GALNT13: variants seen among roughly 807,000 people sequenced by gnomAD.
GALNT13 encodes the protein UDP-GalNAc:polypeptide N-acetylgalactosaminyltransferase 13.
In GALNT13, 28 loss-of-function variants were observed where a neutral mutation model predicts 64.2. The observed-to-expected ratio is 0.44, with a 90% CI of 0.32 to 0.60. The LOEUF is 0.60. Among genes scored for constraint, GALNT13 ranks in the 20% least tolerant of loss-of-function variants. The probability of loss-of-function intolerance (pLI) is 0.05; values close to 1 mark genes in which losing one functional copy is unlikely to be tolerated. For synonymous variants in GALNT13, 214 were observed against 224.6 expected (o/e 0.95, Z 0.42); for missense variants, 577 against 669.8 (o/e 0.86, Z 1.53).
At chr2:153,885,862 A>T (rs994918948) in intron 1 of GALNT13, among the ~76,000 whole-genome samples, 4 of 152,072 alleles carry the variant, frequency 2.6e-5, no homozygotes, top group Admixed American at 6.6e-5. Flanking sequence ...ACGTGAGCAT[A>T]TGGGTAGTTC....
the GALNT13 span, among the ~76,000 whole-genome samples, chr2:153,074,352 A>C: frequency 6.6e-6 from 1 of 152,180 alleles, no homozygotes; most frequent in Non-Finnish European, 1.5e-5. Flanking sequence ...ACATTTTTCA[A>C]AGGTGACTAA....
the GALNT13 span, among the ~76,000 whole-genome samples, chr2:153,319,309 C>G: frequency 1.3e-5 from 2 of 152,208 alleles, no homozygotes; most frequent in Non-Finnish European, 2.9e-5. Flanking sequence ...AGGTCTCACT[C>G]TGTCATCTAG....
chr2:154,121,440 T>C (rs1257865457), intron 3 of GALNT13, among the ~76,000 whole-genome samples: 1 of 152,190 alleles, frequency 6.6e-6, no homozygotes, highest in East Asian at 1.9e-4. Context: ...CAGTGTTGTC[T>C]TCTAATCCAT....
the GALNT13 span, among the ~76,000 whole-genome samples, chr2:153,383,867 G>A: frequency 1.3e-5 from 2 of 152,002 alleles, no homozygotes; most frequent in South Asian, 2.1e-4. Flanking sequence ...ACACAAGGAT[G>A]TTAAGACTCA....
At chr2:154,004,214 T>TG (rs1442130394) in intron 3 of GALNT13, among the ~76,000 whole-genome samples, 3 of 142,886 alleles carry the variant, frequency 2.1e-5, no homozygotes, top group African/African-American at 8.4e-5. Context: ...TAATTTTTTT[T>TG]TGTTTTTTTT....
At chr2:153,192,695 A>G in the GALNT13 span, among the ~76,000 whole-genome samples, 1 of 152,106 alleles carries the variant, frequency 6.6e-6, no homozygotes, top group Non-Finnish European at 1.5e-5. Flanking sequence ...GTGCATTTAT[A>G]TTAGAACTGT....
chr2:153,647,049 A>C, the GALNT13 span, among the ~76,000 whole-genome samples: 1 of 152,188 alleles, frequency 6.6e-6, no homozygotes, highest in East Asian at 1.9e-4. Flanking sequence ...ACTGACTTCC[A>C]CAAAGGTTGA....
the GALNT13 span, among the ~76,000 whole-genome samples, chr2:153,388,193 A>C: frequency 1.3e-5 from 2 of 152,084 alleles, no homozygotes; most frequent in African/African-American, 4.8e-5. Context: ...TTGGAGCTTG[A>C]AATATGACCT....
intron 9 of GALNT13, among the ~76,000 whole-genome samples, chr2:154,342,944 T>C (rs1405058998): frequency 6.6e-6 from 1 of 152,020 alleles, no homozygotes; most frequent in East Asian, 1.9e-4. Context: ...CTCACTGTTC[T>C]TAGTACCATA....
rs542585700 is a variant in GALNT13, at chr2:154,110,182, TTTG to T, written c.143-30137_143-30135del. On this transcript the variant is annotated intron_variant, in intron 3 of 12. Transcript: ENST00000392825. ...TTTGTATGTCTTCATGATTTTGTCT[TTTG>T]TTGTTGTTGTTGTTGTTTTAGTTTT... Among the ~76,000 whole-genome samples, 161 of 149,586 alleles carry T rather than the reference TTTG, an allele frequency of 1.1e-3. 1 individual carries two copies. The highest frequency in any genetic ancestry group is 1.7e-3 in the Non-Finnish European group (112 of 67,428).
the GALNT13 span, among the ~76,000 whole-genome samples, chr2:153,351,045 C>T: frequency 6.6e-6 from 1 of 152,058 alleles, no homozygotes. Context: ...AGACTTTATT[C>T]TCTTAAGAAA....
the GALNT13 span, among the ~76,000 whole-genome samples, chr2:153,559,641 T>C: frequency 6.6e-6 from 1 of 152,122 alleles, no homozygotes; most frequent in African/African-American, 2.4e-5. Context: ...TGCATTTAAG[T>C]AGTATCAGCC....
the GALNT13 span, among the ~76,000 whole-genome samples, chr2:153,742,462 A>G: frequency 6.6e-6 from 1 of 152,128 alleles, no homozygotes; most frequent in South Asian, 2.1e-4. Context: ...GGCTTGTTAC[A>G]TGTATACAAT....
chr2:153,134,838 A>G, the GALNT13 span, among the ~76,000 whole-genome samples: 3 of 152,124 alleles, frequency 2.0e-5, no homozygotes, highest in Non-Finnish European at 4.4e-5. Flanking sequence ...CGTTTAAGGT[A>G]GCAATGACCA....
chr2:154,172,524 T>A (rs1042874155), intron 4 of GALNT13, among the ~76,000 whole-genome samples: 2 of 152,050 alleles, frequency 1.3e-5, no homozygotes, highest in African/African-American at 4.8e-5. Flanking sequence ...CTCCTACTCA[T>A]GAGTGAGAAC....
chr2:153,293,157 T>C, the GALNT13 span, among the ~76,000 whole-genome samples: 1 of 152,080 alleles, frequency 6.6e-6, no homozygotes, highest in African/African-American at 2.4e-5. Context: ...AGGGTTGCTT[T>C]CCGGATCCAG....
At chr2:153,679,444 G>T in the GALNT13 span, among the ~76,000 whole-genome samples, 10 of 151,882 alleles carry the variant, frequency 6.6e-5, no homozygotes, top group African/African-American at 1.9e-4. Context: ...GTCTTTGCCT[G>T]AGTTTCTTCA....
chr2:153,902,356 T>A (rs1278577516), intron 2 of GALNT13, among the ~76,000 whole-genome samples: 1 of 152,134 alleles, frequency 6.6e-6, no homozygotes, highest in African/African-American at 2.4e-5. Flanking sequence ...TTAGTAATTT[T>A]ATTTCCTTTG....
the GALNT13 span, among the ~76,000 whole-genome samples, chr2:153,304,952 G>A: frequency 1.3e-5 from 2 of 152,066 alleles, no homozygotes; most frequent in African/African-American, 4.8e-5. Flanking sequence ...GTTAAGGGGT[G>A]GGTATAGGCT....
Sources: gnomAD v4.1 joint callset for allele counts (sites outside exome capture counted in the v4.1 genomes callset) on GRCh38, gnomAD v4.1.1 for gene constraint, MANE v1.5 for transcripts, NCBI Gene and HGNC (gene_info 2026-07-23, HGNC 2026-07-21) for gene names.